KCTD14: variants seen among roughly 807,000 people sequenced by gnomAD.
The protein encoded by KCTD14 is potassium channel tetramerization domain containing 14, also known as BTB/POZ domain-containing protein KCTD14.
KCTD14 carries 7 observed loss-of-function variants against 5.9 expected under a neutral mutation model. That is an observed-to-expected ratio of 1.19 (90% CI 0.68 to 2.23). KCTD14 has a LOEUF of 2.23. KCTD14 is among the 30% of genes most tolerant of loss of function. KCTD14 has a pLI of 0.00. For missense variants in KCTD14, 342 were observed against 332.2 expected, an observed-to-expected ratio of 1.03 and a Z score of -0.23; for synonymous variants, 140 against 133.1, an observed-to-expected ratio of 1.05 and a Z score of -0.36.
At chr11:78,034,207 C>T (rs951430784) in intron 2 of KCTD14, among the ~76,000 whole-genome samples, 27 of 152,074 alleles carry the variant, frequency 1.8e-4, no homozygotes, top group African/African-American at 6.5e-4. Flanking sequence ...ACCACAGCCT[C>T]AACCTCCTGG....
rs370242520 is a variant in KCTD14, at chr11:78,035,282, C to A, written c.-1+3382G>T. 6.6e-5 allele frequency among the ~76,000 whole-genome samples: 10 copies of A among 152,110 alleles called. No homozygotes were observed. In the East Asian group the frequency reaches 1.9e-3, roughly 29 times the overall value. ...GGCTTCCATGCACCCTGGCTTCCAA[C>A]TGAGTTTGGCCAATGGGAGCTTAGC... On this transcript the variant is annotated intron_variant, in intron 2 of 2. Coordinates refer to the KCTD14 transcript ENST00000533144.
chr11:78,017,967 C>T (rs1415196052), intron 1 of KCTD14, among the ~76,000 whole-genome samples: 2 of 151,934 alleles, frequency 1.3e-5, no homozygotes, highest in African/African-American at 2.4e-5. Flanking sequence ...TGTGATGGCA[C>T]GCGCCTGTAA....
chr11:78,024,434 A>G (rs1857396511), upstream of KCTD14, among the ~76,000 whole-genome samples: 1 of 70,080 alleles, frequency 1.4e-5, no homozygotes, highest in Non-Finnish European at 3.6e-5. Context: ...ACACACACAC[A>G]CACACACACA....
At chr11:78,038,571 G>C (rs10793277) in intron 2 of KCTD14, 19 of 1,436,334 alleles carry the variant, frequency 1.3e-5, no homozygotes, top group Admixed American at 1.0e-4. Flanking sequence ...GCCCAAGTGC[G>C]TAGGCCCCAG....
chr11:78,018,393 T>C (rs1325220523), intron 1 of KCTD14, among the ~76,000 whole-genome samples: 1 of 151,608 alleles, frequency 6.6e-6, no homozygotes, highest in Non-Finnish European at 1.5e-5. Context: ...TTTAAATAGA[T>C]TTAAGGAAAA....
upstream of KCTD14, among the ~76,000 whole-genome samples, chr11:78,026,161 G>A (rs568606126): frequency 1.3e-5 from 2 of 152,160 alleles, no homozygotes; most frequent in African/African-American, 4.8e-5. Context: ...CTAGGGCCAC[G>A]CATGGTGACT....
intron 1 of KCTD14, among the ~76,000 whole-genome samples, chr11:78,019,900 A>G (rs1857267057): frequency 1.3e-5 from 2 of 152,158 alleles, no homozygotes; most frequent in African/African-American, 4.8e-5. Flanking sequence ...TCCAAGCTTG[A>G]GCTCTTAGTC....
At chr11:78,041,795 C>T (rs1591197576) in intron 1 of KCTD14, among the ~76,000 whole-genome samples, 1 of 152,268 alleles carries the variant, frequency 6.6e-6, no homozygotes, top group African/African-American at 2.4e-5. Flanking sequence ...CCCGTTGCCA[C>T]TCCCAATCGT....
intron 2 of KCTD14, among the ~76,000 whole-genome samples, chr11:78,034,928 G>A (rs188391523): frequency 2.4e-4 from 36 of 152,038 alleles, no homozygotes; most frequent in African/African-American, 7.2e-4. Context: ...ACTCTCTACC[G>A]CCACCATCTT....
At chr11:78,041,908 G>C (rs1405821886) in intron 1 of KCTD14, among the ~76,000 whole-genome samples, 1 of 152,188 alleles carries the variant, frequency 6.6e-6, no homozygotes, top group Non-Finnish European at 1.5e-5. Context: ...CGTGACCCAC[G>C]GCTTCTACTA....
At chr11:78,026,725 C>T (rs1340064543), upstream of KCTD14, among the ~76,000 whole-genome samples, 3 of 152,102 alleles carry the variant, frequency 2.0e-5, no homozygotes, top group Non-Finnish European at 1.5e-5. Flanking sequence ...CCTATGATCA[C>T]ACCACTGCAC....
intron 2 of KCTD14, among the ~76,000 whole-genome samples, chr11:78,034,630 C>T (rs1857735895): frequency 6.6e-6 from 1 of 151,978 alleles, no homozygotes; most frequent in Non-Finnish European, 1.5e-5. Flanking sequence ...GTACAAATCT[C>T]GTCTTTTTGC....
chr11:78,025,118 G>GTATA (rs369374652), upstream of KCTD14, among the ~76,000 whole-genome samples: 378 of 44,414 alleles, frequency 8.5e-3, 10 homozygotes, highest in Middle Eastern at 0.027. Flanking sequence ...GTGTGTGTGT[G>GTATA]TATATATATA....
chr11:78,044,103 G>T (rs746017805), intron 1 of KCTD14, among the ~76,000 whole-genome samples: 2 of 152,102 alleles, frequency 1.3e-5, no homozygotes, highest in Non-Finnish European at 2.9e-5. Context: ...AAATTTCTCT[G>T]GACAGAGTTG....
intron 1 of KCTD14, among the ~76,000 whole-genome samples, chr11:78,021,297 C>CAAA (rs531185817): frequency 7.9e-4 from 67 of 85,176 alleles, no homozygotes; most frequent in East Asian, 1.7e-3. Context: ...GACCCTGTCT[C>CAAA]AAAAAAAAAA....
chr11:78,043,592 G>A (rs1858051577), intron 1 of KCTD14, among the ~76,000 whole-genome samples: 1 of 152,222 alleles, frequency 6.6e-6, no homozygotes, highest in Admixed American at 6.5e-5. Context: ...CACAAGCACA[G>A]TGGAGGGGCC....
intron 1 of KCTD14, among the ~76,000 whole-genome samples, chr11:78,044,869 G>A (rs898138674): frequency 6.6e-6 from 1 of 152,152 alleles, no homozygotes; most frequent in African/African-American, 2.4e-5. Context: ...GCATGCTTCC[G>A]GGGTTTTGCG....
At chr11:78,042,809 C>T (rs1858030388) in intron 1 of KCTD14, among the ~76,000 whole-genome samples, 1 of 152,210 alleles carries the variant, frequency 6.6e-6, no homozygotes, top group Non-Finnish European at 1.5e-5. Context: ...TGGTGAAATG[C>T]ATGGGGTTTT....
chr11:78,016,925 T>C lies in KCTD14; in HGVS notation c.436A>G (p.Ser146Gly). 6.2e-7 allele frequency: 1 copy of C among 1,614,254 alleles called. No individual in the cohort carries two copies. Among genetic ancestry groups the C allele is most frequent in the Non-Finnish European group, 8.5e-7 (1 of 1,180,048 alleles). ...KQFLLQVPGY[S>G]ENLELMVRLA... ...CGCACCATGAGCTCCAGGTTCTCGCTGTAGCCCGGCACTTGCAGCAAAAAC... is the reference window on the plus strand; with the variant it reads ...CGCACCATGAGCTCCAGGTTCTCGCCGTAGCCCGGCACTTGCAGCAAAAAC... Residue 146 changes from serine to glycine, a missense_variant, in exon 2 of 2, where the codon AGC (serine) becomes GGC (glycine). Coordinates refer to ENST00000353172, the MANE Select transcript of KCTD14 (RefSeq NM_023930.4).
Sources: allele counts gnomAD v4.1 joint callset (sites outside exome capture counted in the v4.1 genomes callset), GRCh38; gene constraint gnomAD v4.1.1; transcripts MANE v1.5; gene names NCBI Gene and HGNC (gene_info 2026-07-23, HGNC 2026-07-21).